SGCD: variants seen among roughly 807,000 people sequenced by gnomAD.
SGCD encodes sarcoglycan delta.
SGCD carries 18 observed loss-of-function variants against 36.6 expected under a neutral mutation model. That is an observed-to-expected ratio of 0.49 (90% CI 0.34 to 0.73). The LOEUF is 0.73. Among genes scored for constraint, SGCD ranks in the 30% least tolerant of loss-of-function variants. The pLI, the probability that SGCD is intolerant of heterozygous loss-of-function variation, is 0.01. For missense variants in SGCD, 387 were observed against 346.7 expected, an observed-to-expected ratio of 1.12 and a Z score of -0.92; for synonymous variants, 133 against 130.6, an observed-to-expected ratio of 1.02 and a Z score of -0.12.
intron 3 of SGCD, among the ~76,000 whole-genome samples, chr5:156,196,086 G>GTT (rs1231758490): frequency 1.3e-5 from 2 of 152,076 alleles, no homozygotes; most frequent in African/African-American, 4.8e-5. Flanking sequence ...GAGATTCTTA[G>GTT]TTCTGATAAT....
intron 7 of SGCD, among the ~76,000 whole-genome samples, chr5:156,677,433 G>A (rs910666213): frequency 6.6e-6 from 1 of 151,906 alleles, no homozygotes; most frequent in Non-Finnish European, 1.5e-5. Flanking sequence ...CCAAACTATC[G>A]CAAGGACAGA....
chr5:156,080,773 A>G (rs919906500), intron 1 of SGCD, among the ~76,000 whole-genome samples: 1 of 152,192 alleles, frequency 6.6e-6, no homozygotes, highest in African/African-American at 2.4e-5. Context: ...CCTGGTTTTC[A>G]CTGTCGATAT....
chr5:156,341,760 G>A (rs1768667509), intron 2 of SGCD, among the ~76,000 whole-genome samples: 1 of 152,104 alleles, frequency 6.6e-6, no homozygotes, highest in African/African-American at 2.4e-5. Context: ...GCCCAGGCTG[G>A]AGTGCAATGG....
intron 3 of SGCD, among the ~76,000 whole-genome samples, chr5:156,370,728 A>C (rs1178018095): frequency 6.6e-6 from 1 of 152,206 alleles, no homozygotes; most frequent in East Asian, 1.9e-4. Context: ...GATGCATGAC[A>C]GTTTTTTTAC....
chr5:155,955,668 C>A, intron 1 of SGCD, among the ~76,000 whole-genome samples: 1 of 152,060 alleles, frequency 6.6e-6, no homozygotes, highest in East Asian at 1.9e-4. Context: ...GTTGTGTGGA[C>A]ACACACATGA....
chr5:155,984,330 A>G (rs561515232), intron 1 of SGCD, among the ~76,000 whole-genome samples: 1 of 152,318 alleles, frequency 6.6e-6, no homozygotes, highest in African/African-American at 2.4e-5. Context: ...TACCAAGTGT[A>G]GGGGTTTTTC....
chr5:156,515,226 A>T (rs1383719358), intron 4 of SGCD, among the ~76,000 whole-genome samples: 1 of 151,918 alleles, frequency 6.6e-6, no homozygotes, highest in Non-Finnish European at 1.5e-5. Context: ...CTTTCTGAAA[A>T]AAAATAGCTT....
At position 156,308,553 on chromosome 5, in the gene SGCD, G is replaced by A. The variant is rs138331065; in HGVS notation, c.-43-20981G>A. On this transcript the variant is annotated intron_variant, in intron 3 of 9. Coordinates refer to the SGCD transcript ENST00000517913. The stretch of plus-strand genomic sequence containing the variant: ...GACCATGTGATCCACCTGCCTTGGC[G>A]TCCCAAAGTGCTAGGATTACGGGCA... Among the ~76,000 whole-genome samples the A allele has an allele frequency of 6.4e-3, 969 of 152,116 alleles. 10 individuals are homozygous for A. Among genetic ancestry groups the A allele is most frequent in the African/African-American group, 0.018 (756 of 41,526 alleles).
chr5:156,355,677 C>T (rs1230206493), intron 3 of SGCD, among the ~76,000 whole-genome samples: 2 of 152,192 alleles, frequency 1.3e-5, no homozygotes, highest in Non-Finnish European at 2.9e-5. Flanking sequence ...GACTGTGTTG[C>T]CTAGGCTGGA....
At chr5:156,165,678 T>C (rs936998998) in intron 3 of SGCD, among the ~76,000 whole-genome samples, 2 of 152,232 alleles carry the variant, frequency 1.3e-5, no homozygotes, top group Non-Finnish European at 2.9e-5. Flanking sequence ...GGCTTTTGCA[T>C]ACAAGGTTTA....
chr5:156,499,549 C>T (rs1756358311), intron 3 of SGCD, among the ~76,000 whole-genome samples: 1 of 152,114 alleles, frequency 6.6e-6, no homozygotes, highest in South Asian at 2.1e-4. Flanking sequence ...CCAGAAAAGA[C>T]ATCTAATCAT....
intron 3 of SGCD, among the ~76,000 whole-genome samples, chr5:156,403,189 AG>A (rs1307113294): frequency 1.3e-5 from 2 of 152,040 alleles, no homozygotes; most frequent in African/African-American, 2.4e-5. Flanking sequence ...AGTGAGGAAA[AG>A]TCACAGCAGT....
chr5:155,773,064 C>G, the SGCD span, among the ~76,000 whole-genome samples: 1 of 152,072 alleles, frequency 6.6e-6, no homozygotes, highest in Non-Finnish European at 1.5e-5. Context: ...AGTTTTTGGC[C>G]TAGTCCTGCC....
intron 6 of SGCD, among the ~76,000 whole-genome samples, chr5:156,638,080 C>T (rs1402836863): frequency 1.3e-4 from 20 of 151,788 alleles, no homozygotes; most frequent in Admixed American, 6.6e-4. Context: ...ACAGGAACAG[C>T]GTGTTCTACT....
At position 156,311,987 on chromosome 5, in the gene SGCD, G is replaced by C. The variant is rs553944759; in HGVS notation, c.-43-17547G>C. 2.4e-3 allele frequency among the ~76,000 whole-genome samples: 372 copies of C among 152,278 alleles called. 1 individual carries two copies. Among genetic ancestry groups the C allele is most frequent in the African/African-American group, 8.7e-3 (360 of 41,550 alleles). On this transcript the variant is annotated intron_variant, in intron 3 of 9. Transcript: ENST00000517913. ...AGTTACAAATGAATGTAAAGTAACA[G>C]TTCCATGCCATAGCTAGCTAAGGGC...
At chr5:156,715,705 C>T (rs2113765357) in intron 7 of SGCD, among the ~76,000 whole-genome samples, 1 of 152,308 alleles carries the variant, frequency 6.6e-6, no homozygotes, top group East Asian at 1.9e-4. Context: ...AATTAACCTG[C>T]CTGGGCCTCA....
intron 3 of SGCD, among the ~76,000 whole-genome samples, chr5:156,347,503 G>T (rs1580853484): frequency 6.6e-6 from 1 of 152,284 alleles, no homozygotes; most frequent in Non-Finnish European, 1.5e-5. Flanking sequence ...CATTTTGGAA[G>T]ATTTCTGGTT....
chr5:156,363,783 T>C (rs1481970167), intron 3 of SGCD, among the ~76,000 whole-genome samples: 1 of 152,218 alleles, frequency 6.6e-6, no homozygotes, highest in Non-Finnish European at 1.5e-5. Flanking sequence ...AAATCTTACA[T>C]ATAGATTGAA....
At chr5:156,349,770 T>G (rs1441254687) in intron 3 of SGCD, among the ~76,000 whole-genome samples, 1 of 152,132 alleles carries the variant, frequency 6.6e-6, no homozygotes, top group Non-Finnish European at 1.5e-5. Flanking sequence ...AAAGTCATTA[T>G]GTCAAAAAGA....
Sources: gnomAD v4.1 joint callset for allele counts (sites outside exome capture counted in the v4.1 genomes callset) on GRCh38, gnomAD v4.1.1 for gene constraint, MANE v1.5 for transcripts, NCBI Gene and HGNC (gene_info 2026-07-23, HGNC 2026-07-21) for gene names.